The following MAD1L1 variants were observed in gnomAD, a reference collection of about 807,000 sequenced individuals.
The protein encoded by MAD1L1 is mitotic spindle assembly checkpoint protein MAD1.
MAD1L1 carries 95 observed loss-of-function variants against 96.9 expected under a neutral mutation model. That is an observed-to-expected ratio of 0.98 (90% CI 0.83 to 1.16). MAD1L1 has a LOEUF of 1.16. Among genes scored for constraint, MAD1L1 ranks in the 50% most tolerant of loss-of-function variants. The pLI is 0.00. For synonymous variants in MAD1L1, 473 were observed against 396.6 expected (o/e 1.19, Z -2.29); for missense variants, 1,007 against 954.4 (o/e 1.06, Z -0.73).
intron 10 of MAD1L1, among the ~76,000 whole-genome samples, chr7:2,202,775 G>C (rs1792383010): frequency 6.6e-6 from 1 of 152,166 alleles, no homozygotes; most frequent in South Asian, 2.1e-4. Flanking sequence ...ACGGTAACTA[G>C]GATAATAAAA....
chr7:2,179,812 A>G (rs891252632), intron 10 of MAD1L1, among the ~76,000 whole-genome samples: 9 of 152,006 alleles, frequency 5.9e-5, no homozygotes, highest in Admixed American at 5.9e-4. Flanking sequence ...CCTACTAAAA[A>G]TACAAAAAAT....
chr7:1,901,795 C>T (rs1295036107), intron 17 of MAD1L1, among the ~76,000 whole-genome samples: 2 of 152,208 alleles, frequency 1.3e-5, no homozygotes, highest in African/African-American at 4.8e-5. Context: ...CCTTCCCTGC[C>T]CGGGGATGTT....
At chr7:2,051,486 C>G (rs542157122) in intron 12 of MAD1L1, among the ~76,000 whole-genome samples, 15 of 152,128 alleles carry the variant, frequency 9.9e-5, no homozygotes, top group African/African-American at 3.6e-4. Context: ...GGAAGAGCCA[C>G]GTGGCTCAGC....
intron 10 of MAD1L1, among the ~76,000 whole-genome samples, chr7:2,178,625 G>C (rs572495158): frequency 3.3e-5 from 5 of 152,230 alleles, no homozygotes; most frequent in African/African-American, 1.2e-4. Context: ...GGCTGGGCAC[G>C]ATGGCTCACG....
chr7:2,095,505 G>A (rs1050178581), intron 11 of MAD1L1, among the ~76,000 whole-genome samples: 2 of 152,336 alleles, frequency 1.3e-5, no homozygotes, highest in East Asian at 1.9e-4. Context: ...GGCTGCAAAC[G>A]GAGATGGGCA....
intron 18 of MAD1L1, among the ~76,000 whole-genome samples, chr7:1,850,369 C>A (rs1783903215): frequency 6.6e-6 from 1 of 152,234 alleles, no homozygotes; most frequent in Non-Finnish European, 1.5e-5. Flanking sequence ...CCCCCTGCCA[C>A]CTCTGGAGCC....
Position 2,088,881 on chromosome 7 carries a change from C to A in MAD1L1, c.1074-19543G>T, listed in dbSNP as rs1464505703. 6.6e-6 allele frequency: 1 copy of A among 152,320 alleles called. No individual in the cohort carries two copies. The highest frequency in any genetic ancestry group is 1.5e-5 in the Non-Finnish European group (1 of 68,092). 9.4% of individuals were successfully genotyped at this position (152,320 alleles called of 1,614,324 possible). A position where few individuals can be genotyped will look rare whatever the true frequency, so the allele number is the denominator to read the frequency against. ...TCACCCTCTGCCACCGACCCGCACG[C>A]CTCCCACACAAGCTGCCAGGCCCAC... On this transcript the variant is annotated intron_variant, in intron 11 of 18. Coordinates refer to ENST00000265854, the MANE Select transcript of MAD1L1 (RefSeq NM_001013836.2). The surrounding 1 kb of genome is among the most constrained non-coding windows in gnomAD (Gnocchi z 4.4).
chr7:1,828,276 G>A (rs564674433), intron 18 of MAD1L1, among the ~76,000 whole-genome samples: 24 of 152,256 alleles, frequency 1.6e-4, no homozygotes, highest in Middle Eastern at 3.4e-3. Context: ...GAGACGGGGC[G>A]AGCCTGGGGA....
chr7:1,904,370 G>A (rs1207442158), intron 17 of MAD1L1, among the ~76,000 whole-genome samples: 2 of 142,732 alleles, frequency 1.4e-5, no homozygotes, highest in African/African-American at 2.9e-5. Flanking sequence ...TATGGAAGAC[G>A]CTCTTGCAGA....
chr7:1,915,672 G>A (rs756057119), intron 17 of MAD1L1, among the ~76,000 whole-genome samples: 4 of 152,226 alleles, frequency 2.6e-5, no homozygotes, highest in Non-Finnish European at 5.9e-5. Context: ...GTTCAGCGTT[G>A]AGTGCTTTTC....
intron 11 of MAD1L1, among the ~76,000 whole-genome samples, chr7:2,147,121 C>T (rs531297562): frequency 2.6e-5 from 4 of 152,316 alleles, no homozygotes; most frequent in Admixed American, 2.0e-4. Context: ...AGTGCCCAGG[C>T]GCAGTTCAGG....
rs1426260077 is a variant in MAD1L1 at position 1,851,028 on chromosome 7, C to A, written c.1999-34800G>T. Among the ~76,000 whole-genome samples, 4 of 152,258 alleles carry A rather than the reference C, an allele frequency of 2.6e-5. 1 individual carries two copies. In the South Asian group the frequency reaches 8.3e-4, roughly 31 times the overall value. Reference sequence around the variant, plus strand: ...CCCTAAGCTTCTGTGACCCTGCGTCCACCGTGGCAGCCCGGCTGGAGCCAA... The same window carrying A: ...CCCTAAGCTTCTGTGACCCTGCGTCAACCGTGGCAGCCCGGCTGGAGCCAA... On this transcript the variant is annotated intron_variant, in intron 18 of 18. Transcript: ENST00000265854.
At chr7:2,131,615 G>A (rs1788512871) in intron 11 of MAD1L1, among the ~76,000 whole-genome samples, 2 of 152,340 alleles carry the variant, frequency 1.3e-5, no homozygotes, top group South Asian at 2.1e-4. Flanking sequence ...CCTCACAAAT[G>A]TGCTGGAACA....
intron 18 of MAD1L1, among the ~76,000 whole-genome samples, chr7:1,870,394 A>G (rs71523269): frequency 0.25 from 27,946 of 114,060 alleles, 6,250 homozygotes; most frequent in East Asian, 0.39. Flanking sequence ...TGAACCCACC[A>G]TAACACCTGC....
intron 18 of MAD1L1, chr7:1,847,233 T>C (rs1265515750): frequency 2.1e-6 from 1 of 470,744 alleles, no homozygotes; most frequent in Admixed American, 2.3e-5. Flanking sequence ...CTGACGCTTG[T>C]CCTTTTCTGT....
intron 18 of MAD1L1, among the ~76,000 whole-genome samples, chr7:1,887,379 G>T (rs1011405988): frequency 6.6e-6 from 1 of 151,736 alleles, no homozygotes; most frequent in Non-Finnish European, 1.5e-5. Context: ...GGCTGTGCAT[G>T]CGTGTACATG....
intron 18 of MAD1L1, chr7:1,854,218 C>T (rs781675873): frequency 3.8e-5 from 13 of 340,592 alleles, no homozygotes; most frequent in Admixed American, 1.2e-4. Flanking sequence ...CAGGACAGGC[C>T]GCACCCACCA....
intron 18 of MAD1L1, chr7:1,845,965 A>G: frequency 6.5e-6 from 1 of 152,886 alleles, no homozygotes; most frequent in East Asian, 1.9e-4. Flanking sequence ...GGTGCTCAGA[A>G]ACAGACCAAG....
At chr7:1,865,850 C>G (rs760634675) in intron 18 of MAD1L1, among the ~76,000 whole-genome samples, 3 of 152,252 alleles carry the variant, frequency 2.0e-5, no homozygotes, top group Non-Finnish European at 4.4e-5. Flanking sequence ...TGTGCACCGC[C>G]TGGGGGCTTC....
Sources: allele counts gnomAD v4.1 joint callset (sites outside exome capture counted in the v4.1 genomes callset), GRCh38; gene constraint gnomAD v4.1.1; non-coding constraint Gnocchi (gnomAD v3.1); transcripts MANE v1.5; gene names NCBI Gene and HGNC (gene_info 2026-07-23, HGNC 2026-07-21).